Variants in ARB2A observed in about 807,000 individuals in gnomAD.
The protein encoded by ARB2A is cotranscriptional regulator ARB2A.
At chr5:94,023,741 C>A in the ARB2A span, among the ~76,000 whole-genome samples, 5 of 152,180 alleles carry the variant, frequency 3.3e-5, no homozygotes, top group African/African-American at 1.2e-4. Context: ...TTTCCAGAAA[C>A]TGCTCCTGGC....
At chr5:93,645,614 T>C in the ARB2A span, among the ~76,000 whole-genome samples, 1 of 149,242 alleles carries the variant, frequency 6.7e-6, no homozygotes, top group African/African-American at 2.5e-5. Context: ...ATGTTAAAAA[T>C]CTAATATGAA....
At chr5:93,922,262 T>C in the ARB2A span, among the ~76,000 whole-genome samples, 7 of 151,762 alleles carry the variant, frequency 4.6e-5, no homozygotes, top group Non-Finnish European at 8.8e-5. Context: ...AGGGAAATAA[T>C]AAAGGAGATT....
the ARB2A span, among the ~76,000 whole-genome samples, chr5:93,771,896 G>A: frequency 2.0e-5 from 3 of 152,200 alleles, no homozygotes; most frequent in African/African-American, 7.2e-5. Flanking sequence ...AAGTCAGTGT[G>A]GTGATTCCTC....
chr5:93,981,941 C>T, the ARB2A span, among the ~76,000 whole-genome samples: 1 of 152,018 alleles, frequency 6.6e-6, no homozygotes, highest in Non-Finnish European at 1.5e-5. Context: ...CCCCACAGTC[C>T]CTTCAGTCTC....
At chr5:94,089,752 C>T in the ARB2A span, among the ~76,000 whole-genome samples, 1 of 151,924 alleles carries the variant, frequency 6.6e-6, no homozygotes, top group Middle Eastern at 3.2e-3. Context: ...ATTCCAAACA[C>T]AAAATCACAG....
At chr5:93,621,736 A>G in the ARB2A span, among the ~76,000 whole-genome samples, 1 of 152,248 alleles carries the variant, frequency 6.6e-6, no homozygotes, top group Non-Finnish European at 1.5e-5. Flanking sequence ...TACCTCAGCT[A>G]GGTCACTGAG....
chr5:94,070,344 G>C, the ARB2A span, among the ~76,000 whole-genome samples: 1 of 152,092 alleles, frequency 6.6e-6, no homozygotes. Context: ...ATGGTGCACA[G>C]AAGGAAACAA....
chr5:93,686,631 T>C, the ARB2A span, among the ~76,000 whole-genome samples: 5 of 152,324 alleles, frequency 3.3e-5, no homozygotes, highest in Non-Finnish European at 7.4e-5. Flanking sequence ...GGTCCAACAT[T>C]TCATTGTGTT....
chr5:93,723,397 C>T, the ARB2A span, among the ~76,000 whole-genome samples: 2 of 152,090 alleles, frequency 1.3e-5, no homozygotes, highest in African/African-American at 4.8e-5. Context: ...AAGGTTATCT[C>T]TAATAGCTTC....
the ARB2A span, chr5:93,733,112 T>G: frequency 1.3e-5 from 2 of 152,140 alleles, no homozygotes; most frequent in Non-Finnish European, 2.9e-5. Context: ...TGTTTCTAAT[T>G]TTTTGTTGTT....
the ARB2A span, among the ~76,000 whole-genome samples, chr5:93,817,343 G>A: frequency 6.6e-6 from 1 of 152,044 alleles, no homozygotes; most frequent in Non-Finnish European, 1.5e-5. Flanking sequence ...CTAAATAAAC[G>A]GAAAGAAAGC....
At chr5:93,935,838 G>A in the ARB2A span, among the ~76,000 whole-genome samples, 9 of 152,116 alleles carry the variant, frequency 5.9e-5, no homozygotes, top group African/African-American at 2.2e-4. Flanking sequence ...TTTTTATGAT[G>A]CCGTTATTTT....
chr5:93,998,629 A>G, the ARB2A span, among the ~76,000 whole-genome samples: 1 of 152,032 alleles, frequency 6.6e-6, no homozygotes, highest in Non-Finnish European at 1.5e-5. Context: ...TAAAAGGTTA[A>G]TTTTAATAAT....
At chr5:93,960,487 G>A in the ARB2A span, among the ~76,000 whole-genome samples, 2 of 152,078 alleles carry the variant, frequency 1.3e-5, no homozygotes, top group South Asian at 2.1e-4. Flanking sequence ...CCACTAGAAC[G>A]TAAGTCCAGG....
chr5:94,050,881 T>C, the ARB2A span: 1 of 1,249,162 alleles, frequency 8.0e-7, no homozygotes, highest in South Asian at 1.3e-5. Context: ...ATATTGACAA[T>C]AATATAAACA....
At chr5:93,819,312 T>TTATA in the ARB2A span, among the ~76,000 whole-genome samples, 1 of 152,076 alleles carries the variant, frequency 6.6e-6, no homozygotes, top group South Asian at 2.1e-4. Context: ...AGTATTAGAC[T>TTATA]CTTTATCCTC....
the ARB2A span, among the ~76,000 whole-genome samples, chr5:93,925,627 A>T: frequency 6.6e-6 from 1 of 152,174 alleles, no homozygotes; most frequent in Non-Finnish European, 1.5e-5. Flanking sequence ...TTATTTCTGG[A>T]ATTTTCAACC....
At chr5:94,038,344 A>G in the ARB2A span, among the ~76,000 whole-genome samples, 1 of 152,004 alleles carries the variant, frequency 6.6e-6, no homozygotes, top group Non-Finnish European at 1.5e-5. Flanking sequence ...TATATACACT[A>G]AAGTACTAAA....
the ARB2A span, among the ~76,000 whole-genome samples, chr5:93,992,264 A>C: frequency 6.6e-6 from 1 of 152,084 alleles, no homozygotes; most frequent in Admixed American, 6.5e-5. Context: ...CAAATATTAC[A>C]GTAAGTTCTT....
Sources: allele counts gnomAD v4.1 joint callset (sites outside exome capture counted in the v4.1 genomes callset), GRCh38; gene constraint gnomAD v4.1.1; transcripts MANE v1.5; gene names NCBI Gene and HGNC (gene_info 2026-07-23, HGNC 2026-07-21).